SPACDR: variants seen among roughly 807,000 people sequenced by gnomAD.
SPACDR encodes the protein uncharacterized protein C7orf61.
At chr7:100,457,233 G>A in the SPACDR span, among the ~76,000 whole-genome samples, 4 of 149,122 alleles carry the variant, frequency 2.7e-5, 1 homozygote, top group African/African-American at 9.9e-5. Context: ...GAACTCCTGG[G>A]CTCAAGAGAT....
the SPACDR span, among the ~76,000 whole-genome samples, chr7:100,458,594 G>A: frequency 2.0e-5 from 3 of 152,108 alleles, 1 homozygote; most frequent in South Asian, 6.2e-4. Flanking sequence ...GAATCATTCA[G>A]AATATAACCT....
At chr7:100,461,346 G>A in the SPACDR span, among the ~76,000 whole-genome samples, 12 of 151,942 alleles carry the variant, frequency 7.9e-5, no homozygotes, top group South Asian at 2.5e-3. Context: ...GCACGATCTC[G>A]GCTCACTGCA....
chr7:100,462,894 GAGGCCAGGA>G, the SPACDR span, among the ~76,000 whole-genome samples: 1 of 148,626 alleles, frequency 6.7e-6, no homozygotes, highest in Admixed American at 6.6e-5. Context: ...TGGATCACTT[GAGGCCAGGA>G]GTTCGAGACC....
the SPACDR span, chr7:100,463,482 C>T: frequency 2.5e-6 from 4 of 1,613,876 alleles, no homozygotes; most frequent in South Asian, 1.1e-5. Flanking sequence ...AGCTCCACCT[C>T]GGTCTCCTCT....
At chr7:100,457,803 A>ATGTGTG in the SPACDR span, among the ~76,000 whole-genome samples, 1,558 of 72,554 alleles carry the variant, frequency 0.021, 41 homozygotes, top group Middle Eastern at 0.032. Flanking sequence ...ATATATATAT[A>ATGTGTG]TGTGTGTGTG....
At chr7:100,463,971 T>A in the SPACDR span, 1 of 1,607,986 alleles carries the variant, frequency 6.2e-7, no homozygotes, top group Non-Finnish European at 8.5e-7. Context: ...ACCCAGGAAA[T>A]AATCCTTTGC....
At chr7:100,460,679 G>A in the SPACDR span, among the ~76,000 whole-genome samples, 3 of 150,110 alleles carry the variant, frequency 2.0e-5, no homozygotes, top group African/African-American at 7.3e-5. Context: ...TTTTGAGAGT[G>A]TCTCACTGCC....
the SPACDR span, chr7:100,456,945 G>A: frequency 3.0e-4 from 484 of 1,613,384 alleles, 3 homozygotes; most frequent in African/African-American, 5.3e-3. Context: ...AGGTGACTGC[G>A]TCCTCACTTG....
chr7:100,457,197 C>A, the SPACDR span, among the ~76,000 whole-genome samples: 1 of 149,646 alleles, frequency 6.7e-6, no homozygotes, highest in Admixed American at 6.7e-5. Flanking sequence ...GAGACGGGGT[C>A]TTGCTATGTT....
the SPACDR span, chr7:100,463,241 T>C: frequency 7.5e-6 from 6 of 794,730 alleles, no homozygotes; most frequent in East Asian, 1.6e-4. Context: ...CCCAAAGTGC[T>C]GGGATTACAG....
chr7:100,457,191 C>T, the SPACDR span, among the ~76,000 whole-genome samples: 5 of 149,480 alleles, frequency 3.3e-5, no homozygotes, highest in South Asian at 4.2e-4. Flanking sequence ...TTTAATGAGA[C>T]GGGGTCTTGC....
At chr7:100,457,036 A>C in the SPACDR span, 1 of 1,379,578 alleles carries the variant, frequency 7.2e-7, no homozygotes, top group South Asian at 1.3e-5. Flanking sequence ...GTCTAGGGAG[A>C]AACTGCCGCT....
the SPACDR span, among the ~76,000 whole-genome samples, chr7:100,458,913 G>A: frequency 6.6e-6 from 1 of 151,768 alleles, no homozygotes; most frequent in Admixed American, 6.6e-5. Context: ...GGCAATGAGA[G>A]TGAAACTCCG....
chr7:100,457,803 A>ATATGTGTG, the SPACDR span, among the ~76,000 whole-genome samples: 5 of 72,588 alleles, frequency 6.9e-5, no homozygotes, highest in Non-Finnish European at 1.1e-4. Flanking sequence ...ATATATATAT[A>ATATGTGTG]TGTGTGTGTG....
the SPACDR span, chr7:100,457,068 G>A: frequency 1.1e-6 from 1 of 912,628 alleles, no homozygotes; most frequent in East Asian, 2.7e-5. Context: ...TAGATAAACA[G>A]CAAAGGGCTC....
chr7:100,457,084 T>G, the SPACDR span: 1 of 754,110 alleles, frequency 1.3e-6, no homozygotes, highest in Non-Finnish European at 2.1e-6. Context: ...GGCTCCCTGA[T>G]TCCACCTCTC....
the SPACDR span, among the ~76,000 whole-genome samples, chr7:100,460,667 T>G: frequency 6.6e-6 from 1 of 151,992 alleles, no homozygotes; most frequent in Admixed American, 6.6e-5. Context: ...TTCCTTTTTT[T>G]TTTTTGAGAG....
the SPACDR span, chr7:100,464,085 T>TGGGGGGGG: frequency 5.4e-5 from 4 of 74,000 alleles, no homozygotes; most frequent in South Asian, 2.7e-4. Flanking sequence ...ACGGTGGGGG[T>TGGGGGGGG]GGCGGGTGGG....
chr7:100,462,664 C>T, the SPACDR span, among the ~76,000 whole-genome samples: 7 of 151,814 alleles, frequency 4.6e-5, no homozygotes, highest in African/African-American at 1.7e-4. Context: ...ATACAGGCAC[C>T]ACTAAGCCTG....
Sources: gnomAD v4.1 joint callset for allele counts (sites outside exome capture counted in the v4.1 genomes callset) on GRCh38, gnomAD v4.1.1 for gene constraint, MANE v1.5 for transcripts, NCBI Gene and HGNC (gene_info 2026-07-23, HGNC 2026-07-21) for gene names.